CAMK1D: variants seen among roughly 807,000 people sequenced by gnomAD.
CAMK1D encodes the protein calcium/calmodulin-dependent protein kinase type 1D.
Under a neutral mutation model 47.7 loss-of-function variants are expected in CAMK1D, and 9 were observed. The observed-to-expected ratio is 0.19, with a 90% confidence interval of 0.11 to 0.33. CAMK1D has a LOEUF of 0.33. Ranked by LOEUF, CAMK1D falls within the 10% of genes least tolerant of loss-of-function variation. The pLI, the probability that CAMK1D is intolerant of heterozygous loss-of-function variation, is 1.00. For synonymous variants in CAMK1D, 184 were observed against 184.9 expected, an observed-to-expected ratio of 0.99 and a Z score of 0.04; for missense variants, 291 against 488.7, an observed-to-expected ratio of 0.60 and a Z score of 3.81.
intron 10 of CAMK1D, 137 bp from the exon 11 acceptor site, chr10:12,828,632 C>T (rs1466667874): frequency 3.1e-6 from 2 of 649,104 alleles, no homozygotes; most frequent in Non-Finnish European, 5.3e-6. Context: ...AAGAGTGAAA[C>T]TCCATCTCAA....
chr10:12,743,557 A>C (rs115414282), intron 3 of CAMK1D, among the ~76,000 whole-genome samples: 1 of 152,170 alleles, frequency 6.6e-6, no homozygotes, highest in African/African-American at 2.4e-5. Context: ...AAGTTGTACA[A>C]CTCAGTACAG....
intron 1 of CAMK1D, among the ~76,000 whole-genome samples, chr10:12,476,818 C>T (rs1474876142): frequency 6.6e-6 from 1 of 152,186 alleles, no homozygotes; most frequent in African/African-American, 2.4e-5. Flanking sequence ...TAAGTCCCTT[C>T]TCAGCAGGCC....
intron 2 of CAMK1D, among the ~76,000 whole-genome samples, chr10:12,631,013 G>C (rs1315242772): frequency 6.6e-6 from 1 of 152,132 alleles, no homozygotes; most frequent in African/African-American, 2.4e-5. Flanking sequence ...GCTGTCTCAA[G>C]GGTGCAGCCT....
rs527775588 is a variant in CAMK1D at position 12,816,179 on chromosome 10, C to G, written c.755-71C>G. 8.0e-6 allele frequency: 10 copies of G among 1,251,554 alleles called. No individual in the cohort carries two copies. In the South Asian group the frequency reaches 8.8e-5, roughly 11 times the overall value. 77.5% of individuals were successfully genotyped at this position (1,251,554 alleles called of 1,614,324 possible). ...ATGCTACACACGCTCCTCCTGAAGA[C>G]CTGGTGGGATCATATTGTCACATCT... On this transcript the variant is annotated intron_variant, in intron 7 of 10. Coordinates refer to ENST00000619168, the MANE Select transcript of CAMK1D (RefSeq NM_153498.4).
chr10:12,786,149 G>A (rs1837714542), intron 5 of CAMK1D, among the ~76,000 whole-genome samples: 1 of 152,142 alleles, frequency 6.6e-6, no homozygotes, highest in Admixed American at 6.5e-5. Context: ...TAGGGTATGG[G>A]TGTGTGTGCC....
chr10:12,383,291 A>T (rs183169930), intron 1 of CAMK1D, among the ~76,000 whole-genome samples: 2 of 152,108 alleles, frequency 1.3e-5, no homozygotes, highest in East Asian at 3.9e-4. Context: ...TACTGTAAAG[A>T]GCTTTTTGTG....
intron 10 of CAMK1D, 118 bp from the exon 11 acceptor site, chr10:12,828,651 A>AT (rs1588977337): frequency 6.6e-6 from 4 of 606,558 alleles, no homozygotes; most frequent in East Asian, 3.5e-5. Context: ...AAGAAAAAAA[A>AT]AAAATTGGGC....
chr10:12,388,989 T>G (rs1036463617), intron 1 of CAMK1D, among the ~76,000 whole-genome samples: 1 of 152,170 alleles, frequency 6.6e-6, no homozygotes, highest in African/African-American at 2.4e-5. Context: ...TCTGTGTGAT[T>G]TACATCCCGC....
At chr10:12,742,164 C>G (rs183593373) in intron 3 of CAMK1D, among the ~76,000 whole-genome samples, 2 of 152,224 alleles carry the variant, frequency 1.3e-5, no homozygotes, top group Non-Finnish European at 2.9e-5. Flanking sequence ...TAGACAGGGT[C>G]TCGCTCTGTT....
chr10:12,645,769 C>T lies in CAMK1D; in HGVS notation c.225-20967C>T, dbSNP rs77329080. Among the ~76,000 whole-genome samples the T allele has an allele frequency of 1.0e-2, 1,521 of 152,202 alleles. 21 individuals carry two copies. Among genetic ancestry groups the T allele is most frequent in the African/African-American group, 0.034 (1,424 of 41,506 alleles). The stretch of plus-strand genomic sequence containing the variant: ...GAAAGAGAGTTGGACGGCTGATGGG[C>T]GCCGCCATCATGTCTGCCACGCCAT... On this transcript the variant is annotated intron_variant, in intron 2 of 10. Transcript: ENST00000619168.
chr10:12,585,039 G>A (rs1349179634), intron 2 of CAMK1D, among the ~76,000 whole-genome samples: 1 of 152,168 alleles, frequency 6.6e-6, no homozygotes, highest in Non-Finnish European at 1.5e-5. Flanking sequence ...GCTAGGTTAT[G>A]TCCTGATCAT....
At chr10:12,575,969 T>C (rs1837477892) in intron 2 of CAMK1D, among the ~76,000 whole-genome samples, 1 of 152,238 alleles carries the variant, frequency 6.6e-6, no homozygotes, top group Admixed American at 6.5e-5. Context: ...TTTCTGCTCC[T>C]GGGAGTTCTT....
intron 2 of CAMK1D, among the ~76,000 whole-genome samples, chr10:12,623,213 C>T (rs1464541403): frequency 4.2e-3 from 2 of 474 alleles, no homozygotes; most frequent in African/African-American, 0.014. Flanking sequence ...CCTTTCTTTC[C>T]TCCCTCCCTC....
intron 3 of CAMK1D, among the ~76,000 whole-genome samples, chr10:12,695,110 C>A (rs112202853): frequency 0.014 from 2,165 of 151,694 alleles, 43 homozygotes; most frequent in African/African-American, 0.049. Flanking sequence ...TAGATTGATC[C>A]TATTGGTTCT....
intron 3 of CAMK1D, among the ~76,000 whole-genome samples, chr10:12,682,036 G>A (rs527941115): frequency 1.3e-5 from 2 of 152,276 alleles, no homozygotes; most frequent in South Asian, 4.1e-4. Flanking sequence ...TGGCTAACAC[G>A]GTGAAACCCC....
At chr10:12,642,087 C>A (rs1426090282) in intron 2 of CAMK1D, among the ~76,000 whole-genome samples, 3 of 151,320 alleles carry the variant, frequency 2.0e-5, no homozygotes, top group Non-Finnish European at 4.4e-5. Context: ...CAGGCTTTTG[C>A]TTTTTTACCT....
intron 1 of CAMK1D, among the ~76,000 whole-genome samples, chr10:12,504,809 T>G (rs1366437648): frequency 6.6e-6 from 1 of 152,112 alleles, no homozygotes; most frequent in Non-Finnish European, 1.5e-5. Context: ...GGGACGGGGC[T>G]CCTCTCAGGT....
intron 3 of CAMK1D, among the ~76,000 whole-genome samples, chr10:12,680,732 A>G (rs1296106111): frequency 2.6e-5 from 4 of 152,052 alleles, no homozygotes; most frequent in Non-Finnish European, 1.5e-5. Flanking sequence ...AGCATTTAGA[A>G]TTCTGCTAGA....
chr10:12,665,729 G>T (rs1840407779), intron 2 of CAMK1D, among the ~76,000 whole-genome samples: 1 of 152,224 alleles, frequency 6.6e-6, no homozygotes, highest in African/African-American at 2.4e-5. Flanking sequence ...CCAACGGCTA[G>T]AATTCGGCTG....
Sources: gnomAD v4.1 joint callset for allele counts (sites outside exome capture counted in the v4.1 genomes callset) on GRCh38, gnomAD v4.1.1 for gene constraint, MANE v1.5 for transcripts, NCBI Gene and HGNC (gene_info 2026-07-23, HGNC 2026-07-21) for gene names.